Variants in CLEC16A observed in about 807,000 individuals in gnomAD.
The protein encoded by CLEC16A is protein CLEC16A.
CLEC16A carries 51 observed loss-of-function variants against 109.5 expected under a neutral mutation model. That is an observed-to-expected ratio of 0.47 (90% CI 0.37 to 0.59). The LOEUF (loss-of-function observed/expected upper bound fraction) is 0.59. Among genes scored for constraint, CLEC16A ranks in the 20% least tolerant of loss-of-function variants. CLEC16A has a pLI of 0.00. For synonymous variants in CLEC16A, 673 were observed against 564.2 expected, an observed-to-expected ratio of 1.19 and a Z score of -2.73; for missense variants, 1,339 against 1,394.0, an observed-to-expected ratio of 0.96 and a Z score of 0.63.
At chr16:11,068,112 C>T (rs1338845779) in intron 19 of CLEC16A, among the ~76,000 whole-genome samples, 1 of 152,178 alleles carries the variant, frequency 6.6e-6, no homozygotes, top group African/African-American at 2.4e-5. Flanking sequence ...CAGACCGAAT[C>T]TCAGCCATGC....
chr16:11,087,718 C>T (rs1346389689), intron 19 of CLEC16A, among the ~76,000 whole-genome samples: 1 of 152,246 alleles, frequency 6.6e-6, no homozygotes, highest in Non-Finnish European at 1.5e-5. Context: ...CCAGGAATGG[C>T]TGCAGCTCTG....
chr16:10,976,614 C>A (rs941506314), intron 7 of CLEC16A, among the ~76,000 whole-genome samples: 1 of 152,198 alleles, frequency 6.6e-6, no homozygotes, highest in Non-Finnish European at 1.5e-5. Context: ...CTAGCATTTG[C>A]TGCATACTCC....
chr16:11,160,529 C>G (rs966804779), intron 22 of CLEC16A, among the ~76,000 whole-genome samples: 1 of 152,172 alleles, frequency 6.6e-6, no homozygotes, highest in Non-Finnish European at 1.5e-5. Context: ...TCTTTCCCTT[C>G]AGCCCACCAC....
At chr16:11,049,041 C>G (rs953997553) in intron 17 of CLEC16A, among the ~76,000 whole-genome samples, 1 of 151,004 alleles carries the variant, frequency 6.6e-6, no homozygotes, top group African/African-American at 2.4e-5. Context: ...GAGTTTTGCT[C>G]TGTCGCCCAG....
chr16:11,104,462 T>C (rs1342909534), intron 19 of CLEC16A, among the ~76,000 whole-genome samples: 2 of 152,076 alleles, frequency 1.3e-5, no homozygotes, highest in Non-Finnish European at 2.9e-5. Flanking sequence ...CTAGACTATG[T>C]CCTCTGCCTG....
At chr16:11,034,867 C>T (rs774271367) in intron 13 of CLEC16A, among the ~76,000 whole-genome samples, 8 of 152,180 alleles carry the variant, frequency 5.3e-5, no homozygotes, top group Non-Finnish European at 1.0e-4. Context: ...ACCTGCCTTT[C>T]TGTGACCAAA....
At chr16:11,021,890 G>T (rs1041507183) in intron 12 of CLEC16A, among the ~76,000 whole-genome samples, 1 of 152,130 alleles carries the variant, frequency 6.6e-6, no homozygotes, top group African/African-American at 2.4e-5. Context: ...ACTTTTCGTA[G>T]TATGGTAATA....
intron 10 of CLEC16A, among the ~76,000 whole-genome samples, chr16:10,986,978 G>A (rs537341818): frequency 2.0e-5 from 3 of 151,708 alleles, no homozygotes; most frequent in South Asian, 4.2e-4. Context: ...CTCAGCCTCC[G>A]AATAGCTGGG....
At chr16:11,140,228 C>T (rs191291580) in intron 22 of CLEC16A, among the ~76,000 whole-genome samples, 1 of 152,184 alleles carries the variant, frequency 6.6e-6, no homozygotes, top group Non-Finnish European at 1.5e-5. Flanking sequence ...AGCTGGGTCT[C>T]CGGTGCTGGG....
chr16:11,120,760 A>G lies in CLEC16A; in HGVS notation c.2262A>G (p.Leu754=), dbSNP rs200560039. 15 of 1,540,760 alleles carry G rather than the reference A, an allele frequency of 9.7e-6. No individual in the cohort carries two copies. Among genetic ancestry groups the G allele is most frequent in the South Asian group, 7.3e-5 (6 of 82,600 alleles). ...GGGGAGTGGTCAAGTTTGCAGGCCT[A>G]TTGCAGGTAAGATGGCCAGGAGCTC... ...LGWGVVKFAG[L]LQDMQVTGVE... is the part of the protein sequence containing the mutation. Residue 754 remains leucine (L), a synonymous_variant, in exon 20 of 24, where the codon CTA becomes CTG. Coordinates refer to ENST00000409790, the MANE Select transcript of CLEC16A (RefSeq NM_015226.3).
At chr16:11,149,995 A>T (rs2054231546) in intron 22 of CLEC16A, 1 of 152,156 alleles carries the variant, frequency 6.6e-6, no homozygotes, top group African/African-American at 2.4e-5. Flanking sequence ...GAAAATCAAA[A>T]TATTTTTCCT....
intron 2 of CLEC16A, 135 bp from the exon 3 acceptor site, chr16:10,962,320 T>A (rs1596762268): frequency 3.3e-6 from 3 of 921,566 alleles, no homozygotes; most frequent in East Asian, 4.9e-5. Flanking sequence ...CGGGTGACAA[T>A]GGGTGGCATG....
intron 23 of CLEC16A, among the ~76,000 whole-genome samples, chr16:11,170,268 C>T (rs1330878607): frequency 6.6e-6 from 1 of 152,168 alleles, no homozygotes; most frequent in Non-Finnish European, 1.5e-5. Context: ...CATGTACAAC[C>T]CCAGCCAGCA....
chr16:11,048,150 G>GT (rs747416883), intron 17 of CLEC16A: 3 of 152,414 alleles, frequency 2.0e-5, no homozygotes, highest in Non-Finnish European at 4.4e-5. Context: ...CGGCCGGTGA[G>GT]TGGCAGAGCC....
chr16:11,050,447 T>G (rs1009836294), intron 17 of CLEC16A, among the ~76,000 whole-genome samples: 3 of 152,236 alleles, frequency 2.0e-5, no homozygotes, highest in Admixed American at 6.5e-5. Context: ...GAAGCCCACT[T>G]TCTGAAAAGA....
At chr16:10,981,757 C>T (rs1024103855) in intron 9 of CLEC16A, among the ~76,000 whole-genome samples, 1 of 152,210 alleles carries the variant, frequency 6.6e-6, no homozygotes, top group African/African-American at 2.4e-5. Context: ...ACTTCTATCC[C>T]CAGAGACAAT....
At chr16:10,949,201 T>G (rs1179804056) in intron 1 of CLEC16A, among the ~76,000 whole-genome samples, 1 of 152,180 alleles carries the variant, frequency 6.6e-6, no homozygotes, top group African/African-American at 2.4e-5. Flanking sequence ...AAGTTTTGGC[T>G]AAGGTGGCAC....
chr16:10,953,599 A>C (rs545040422), intron 1 of CLEC16A, among the ~76,000 whole-genome samples: 1 of 152,340 alleles, frequency 6.6e-6, no homozygotes, highest in East Asian at 1.9e-4. Context: ...CATCAGAGAA[A>C]GTATTTGCAA....
chr16:10,951,371 G>T (rs2041722243), intron 1 of CLEC16A, among the ~76,000 whole-genome samples: 1 of 151,024 alleles, frequency 6.6e-6, no homozygotes, highest in Non-Finnish European at 1.5e-5. Flanking sequence ...TGCCTTTTTG[G>T]TTTATCTATT....
Sources: gnomAD v4.1 joint callset for allele counts (sites outside exome capture counted in the v4.1 genomes callset) on GRCh38, gnomAD v4.1.1 for gene constraint, MANE v1.5 for transcripts, NCBI Gene and HGNC (gene_info 2026-07-23, HGNC 2026-07-21) for gene names.